The following AGBL1 variants were observed in gnomAD, a reference collection of about 807,000 sequenced individuals.
AGBL1 encodes the protein AGBL carboxypeptidase 1, also known as cytosolic carboxypeptidase 4.
AGBL1 carries 130 observed loss-of-function variants against 118.9 expected under a neutral mutation model. The observed-to-expected ratio is 1.09, with a 90% CI of 0.95 to 1.26. AGBL1 has a LOEUF of 1.26. Among genes scored for constraint, AGBL1 ranks in the 50% most tolerant of loss-of-function variants. The pLI is 0.00. For missense variants in AGBL1, 1,584 were observed against 1,298.1 expected, an observed-to-expected ratio of 1.22 and a Z score of -3.38; for synonymous variants, 555 against 478.9, an observed-to-expected ratio of 1.16 and a Z score of -2.08.
intron 18 of AGBL1, among the ~76,000 whole-genome samples, chr15:86,426,563 C>G (rs774414045): frequency 6.6e-6 from 1 of 152,206 alleles, no homozygotes; most frequent in African/African-American, 2.4e-5. Flanking sequence ...CGGCCAACAA[C>G]TGAAGCCTCA....
Position 86,470,901 on chromosome 15 carries a change from T to G in AGBL1, c.2556-51909T>G, listed in dbSNP as rs74461010. ...GTCTTGCAGCATTACTGAATTTGTT[T>G]ATTAGTTCCAACAGTGTTTTGGTGG... On this transcript the variant is annotated intron_variant, in intron 18 of 22. Transcript: ENST00000614907. Among the ~76,000 whole-genome samples, 1,014 of 152,302 alleles carry G rather than the reference T, an allele frequency of 6.7e-3. 9 individuals are homozygous for G. The highest frequency in any genetic ancestry group is 0.035 in the South Asian group (170 of 4,824).
At chr15:86,518,922 A>G (rs2083153863) in intron 18 of AGBL1, among the ~76,000 whole-genome samples, 1 of 151,336 alleles carries the variant, frequency 6.6e-6, no homozygotes. Context: ...TGAGCATCCT[A>G]GATCTGGCAT....
intron 21 of AGBL1, among the ~76,000 whole-genome samples, chr15:86,651,424 C>T (rs1160367828): frequency 3.9e-5 from 6 of 152,180 alleles, no homozygotes; most frequent in African/African-American, 4.8e-5. Flanking sequence ...AAACTTCTCT[C>T]ACTGTAGAAA....
At chr15:86,530,621 T>C (rs2083336458) in intron 19 of AGBL1, among the ~76,000 whole-genome samples, 2 of 151,416 alleles carry the variant, frequency 1.3e-5, no homozygotes, top group Admixed American at 1.3e-4. Flanking sequence ...AATAGACATC[T>C]ACAGAACTCT....
chr15:86,716,206 G>C (rs545551754), intron 22 of AGBL1, among the ~76,000 whole-genome samples: 42 of 152,188 alleles, frequency 2.8e-4, no homozygotes, highest in Admixed American at 7.8e-4. Flanking sequence ...CCCAGTCTAG[G>C]TCTTTCTCAA....
chr15:86,563,913 G>A (rs560801267), intron 21 of AGBL1, among the ~76,000 whole-genome samples: 41 of 152,082 alleles, frequency 2.7e-4, no homozygotes, highest in Non-Finnish European at 5.3e-4. Flanking sequence ...TTTGATCTTT[G>A]TTGGTTTAAA....
chr15:86,631,656 T>A (rs2084969030), intron 21 of AGBL1, among the ~76,000 whole-genome samples: 1 of 152,188 alleles, frequency 6.6e-6, no homozygotes, highest in African/African-American at 2.4e-5. Flanking sequence ...CCTGGAAGGA[T>A]GAACACACTC....
intron 22 of AGBL1, among the ~76,000 whole-genome samples, chr15:86,714,312 T>C (rs1432784430): frequency 6.6e-6 from 1 of 152,008 alleles, no homozygotes; most frequent in Non-Finnish European, 1.5e-5. Flanking sequence ...TCAAGTGTAG[T>C]TGAATGTCAG....
rs369214385 is a variant in AGBL1 at position 86,182,782 on chromosome 15, A to G, written c.488+23756A>G. ...ATATAGATCTCTCCTCAAATATTTT[A>G]TAGGAGGATCTCTAAGATCAGAATA... On this transcript the variant is annotated intron_variant, in intron 5 of 22. Coordinates refer to ENST00000614907, the MANE Select transcript of AGBL1 (RefSeq NM_001386094.1). Among the ~76,000 whole-genome samples the G allele has an allele frequency of 1.5e-3, 229 of 152,254 alleles. 3 individuals carry two copies. The South Asian group carries it at 0.046, about 30-fold the overall frequency.
chr15:86,887,284 A>G (rs1262913176), intron 22 of AGBL1, among the ~76,000 whole-genome samples: 1 of 152,140 alleles, frequency 6.6e-6, no homozygotes, highest in East Asian at 1.9e-4. Flanking sequence ...TCTATCATTT[A>G]TCTATCAAAT....
intron 18 of AGBL1, among the ~76,000 whole-genome samples, chr15:86,443,902 C>G (rs758541396): frequency 5.3e-5 from 8 of 152,146 alleles, no homozygotes; most frequent in African/African-American, 1.9e-4. Context: ...GTGACTAGTG[C>G]TGCAATAAAC....
intron 2 of AGBL1, among the ~76,000 whole-genome samples, chr15:86,143,196 C>G (rs767649734): frequency 1.3e-5 from 2 of 152,198 alleles, no homozygotes; most frequent in Non-Finnish European, 2.9e-5. Flanking sequence ...GGGACTACTG[C>G]AGTGGTTTCT....
intron 22 of AGBL1, among the ~76,000 whole-genome samples, chr15:86,905,736 C>G (rs563788698): frequency 6.6e-6 from 1 of 152,196 alleles, no homozygotes; most frequent in African/African-American, 2.4e-5. Context: ...TTGCATGACA[C>G]TGACACCTCC....
intron 21 of AGBL1, among the ~76,000 whole-genome samples, chr15:86,665,563 T>C (rs1224107034): frequency 6.6e-6 from 1 of 152,168 alleles, no homozygotes; most frequent in Non-Finnish European, 1.5e-5. Flanking sequence ...GTTTCCATTT[T>C]AGTTTAGTTT....
intron 21 of AGBL1, among the ~76,000 whole-genome samples, chr15:86,580,597 A>G (rs935370471): frequency 6.6e-6 from 1 of 152,128 alleles, no homozygotes; most frequent in Admixed American, 6.6e-5. Context: ...ATAATTGTAC[A>G]TATTTAACTG....
chr15:86,757,807 G>A (rs2077963582), intron 22 of AGBL1, among the ~76,000 whole-genome samples: 1 of 152,022 alleles, frequency 6.6e-6, no homozygotes, highest in African/African-American at 2.4e-5. Flanking sequence ...CTTGAACTAT[G>A]AGTGCTCCTG....
chr15:86,906,536 C>T (rs547616941), intron 22 of AGBL1, among the ~76,000 whole-genome samples: 1 of 152,130 alleles, frequency 6.6e-6, no homozygotes, highest in Non-Finnish European at 1.5e-5. Context: ...GAAGGAGAAC[C>T]GTGTAATATG....
chr15:86,918,619 C>A (rs559209404), downstream of AGBL1, among the ~76,000 whole-genome samples: 2 of 152,174 alleles, frequency 1.3e-5, no homozygotes, highest in East Asian at 3.8e-4. Flanking sequence ...TTTTCTCCCC[C>A]ACGTACCTAT....
At chr15:86,929,710 C>T (rs957546586) in intron 23 of AGBL1, among the ~76,000 whole-genome samples, 7 of 152,258 alleles carry the variant, frequency 4.6e-5, no homozygotes, top group African/African-American at 1.4e-4. Context: ...CAGAGGAATC[C>T]GGGCTTTCCA....
Sources: allele counts gnomAD v4.1 joint callset (sites outside exome capture counted in the v4.1 genomes callset), GRCh38; gene constraint gnomAD v4.1.1; transcripts MANE v1.5; gene names NCBI Gene and HGNC (gene_info 2026-07-23, HGNC 2026-07-21).